TUFT1: variants seen among roughly 807,000 people sequenced by gnomAD.
TUFT1 encodes tuftelin 1.
A neutral mutation model predicts 57.8 loss-of-function variants in TUFT1; 43 were observed. That is an observed-to-expected ratio of 0.74 (90% CI 0.58 to 0.96). The LOEUF (loss-of-function observed/expected upper bound fraction) is 0.96, where lower values mean the gene tolerates loss of function less well. Ranked by LOEUF, TUFT1 falls within the 40% of genes least tolerant of loss-of-function variation. The pLI, the probability that TUFT1 is intolerant of heterozygous loss-of-function variation, is 0.00. For missense variants in TUFT1, 459 were observed against 489.0 expected (o/e 0.94, Z 0.58); for synonymous variants, 166 against 176.7 (o/e 0.94, Z 0.48).
intron 5 of TUFT1, among the ~76,000 whole-genome samples, chr1:151,565,385 G>A (rs1417586368): frequency 1.3e-5 from 2 of 152,288 alleles, no homozygotes; most frequent in Non-Finnish European, 2.9e-5. Context: ...TTCAGGCAGA[G>A]TCTTGCTCCA....
At chr1:151,548,454 C>A (rs2102520104) in intron 1 of TUFT1, among the ~76,000 whole-genome samples, 1 of 152,238 alleles carries the variant, frequency 6.6e-6, no homozygotes, top group Non-Finnish European at 1.5e-5. Context: ...AGGCGTGCGC[C>A]ACCACGCCCA....
In TUFT1 at chr1:151,564,576, A is replaced by G. The variant is rs974107349; in HGVS notation, c.376A>G (p.Arg126Gly). Residue 126 changes from arginine to glycine, a missense_variant, in exon 5 of 13, where the codon AGG (arginine) becomes GGG (glycine). Arg to Gly is a moderately radical substitution (Grantham distance 125). Coordinates refer to ENST00000368849, the MANE Select transcript of TUFT1 (RefSeq NM_020127.3). ...LREDISSKLD[R>G]NLGDSLHRQE... ...GGAGGATATAAGTAGCAAGCTTGAC[A>G]GGAACCTAGGAGATTCTCTCCATCG... is the stretch of plus-strand genomic sequence containing the variant. The G allele has an allele frequency of 1.2e-6, 2 of 1,614,212 alleles. No homozygotes were observed. Among genetic ancestry groups the G allele is most frequent in the East Asian group, 2.2e-5 (1 of 44,888 alleles).
At chr1:151,569,588 AG>A (rs1387070357) in intron 6 of TUFT1, 68 bp from the exon 7 acceptor site, 3 of 1,282,406 alleles carry the variant, frequency 2.3e-6, no homozygotes, top group South Asian at 1.2e-5. Flanking sequence ...TGTGCCTGGG[AG>A]GGGGGACCTT....
intron 6 of TUFT1, 32 bp from the exon 7 acceptor site, chr1:151,569,625 G>A (rs1240119332): frequency 6.3e-7 from 1 of 1,589,466 alleles, no homozygotes; most frequent in African/African-American, 1.3e-5. Context: ...AAACTTGAGG[G>A]CTTCCCCTTC....
At position 151,540,339 on chromosome 1, in the gene TUFT1, G is replaced by A. The variant is rs534637387; in HGVS notation, c.-28G>A. The A allele has an allele frequency of 6.2e-6, 10 of 1,613,894 alleles. No homozygotes were observed. The highest frequency in any genetic ancestry group is 2.2e-5 in the East Asian group (1 of 44,880). The stretch of plus-strand genomic sequence containing the variant: ...GAGCCAGACAGCGGGGTGGACAAGT[G>A]GCGTGTGTGCTGCGACCCCGAGGGA... On this transcript the variant is annotated 5_prime_UTR_variant, in exon 1 of 13. Coordinates refer to ENST00000368849, the MANE Select transcript of TUFT1 (RefSeq NM_020127.3).
intron 6 of TUFT1, among the ~76,000 whole-genome samples, chr1:151,568,642 A>G (rs570018433): frequency 2.0e-5 from 3 of 152,332 alleles, no homozygotes; most frequent in African/African-American, 7.2e-5. Context: ...AACTCATGAC[A>G]TCTAGATTTG....
chr1:151,549,578 C>T (rs955335822), intron 1 of TUFT1, among the ~76,000 whole-genome samples: 2 of 152,234 alleles, frequency 1.3e-5, no homozygotes, highest in Non-Finnish European at 2.9e-5. Context: ...CATTCTTGCA[C>T]ATCTATCTAC....
chr1:151,571,808 A>G (rs1231905225), intron 7 of TUFT1, among the ~76,000 whole-genome samples: 1 of 152,216 alleles, frequency 6.6e-6, no homozygotes, highest in Admixed American at 6.5e-5. Context: ...AGCCTGAGCA[A>G]AAGTGCCCTG....
chr1:151,580,650 A>C lies in TUFT1; in HGVS notation c.1009-292A>C, dbSNP rs1401529724. On this transcript the variant is annotated intron_variant, in intron 11 of 12. Transcript: ENST00000368849. ...GCACTCCAGCCTGGGCAACAGAGTG[A>C]GACCCTATCTCAAAAAAAAAAAAAA... Among the ~76,000 whole-genome samples, 3 of 134,024 alleles carry C rather than the reference A, an allele frequency of 2.2e-5. No individual in the cohort carries two copies. The East Asian group carries it at 6.8e-4, about 30-fold the overall frequency. 87.9% of individuals were successfully genotyped at this position (134,024 alleles called of 152,430 possible). A position where few individuals can be genotyped will look rare whatever the true frequency, so the allele number is the denominator to read the frequency against.
At chr1:151,575,299 G>T (rs1307472941) in intron 9 of TUFT1, among the ~76,000 whole-genome samples, 2 of 152,202 alleles carry the variant, frequency 1.3e-5, no homozygotes, top group African/African-American at 4.8e-5. Context: ...ATCTGCTGTT[G>T]CTGTGTGTCA....
intron 1 of TUFT1, 78 bp downstream of exon 1, chr1:151,540,504 G>A (rs1211384707): frequency 6.4e-7 from 1 of 1,552,510 alleles, no homozygotes; most frequent in Non-Finnish European, 8.9e-7. Context: ...GCCCCGCGCC[G>A]TGTTGGCTGA....
chr1:151,565,062 C>T (rs1466319579), intron 5 of TUFT1: 1 of 154,930 alleles, frequency 6.5e-6, no homozygotes, highest in African/African-American at 2.4e-5. Flanking sequence ...TGTTATTAAT[C>T]TTGTATATAG....
intron 12 of TUFT1, 82 bp from the exon 13 acceptor site, chr1:151,581,562 G>C: frequency 7.1e-7 from 1 of 1,409,842 alleles, no homozygotes; most frequent in Non-Finnish European, 1.0e-6. Flanking sequence ...AGGCCAATGT[G>C]AAGATTCCAG....
intron 6 of TUFT1, among the ~76,000 whole-genome samples, chr1:151,569,372 A>T (rs566225479): frequency 6.6e-5 from 10 of 152,266 alleles, no homozygotes; most frequent in African/African-American, 2.2e-4. Context: ...TTCACCAAGA[A>T]ATCGATTAGT....
rs906884638 is a variant in TUFT1, at chr1:151,540,814, C to G, written c.60+388C>G. On this transcript the variant is annotated intron_variant, in intron 1 of 12. Coordinates refer to ENST00000368849, the MANE Select transcript of TUFT1 (RefSeq NM_020127.3). ...TGGACGTTGTGTCCTGCCGAGGAGG[C>G]TTAGGCTTTCCCGTGGGTCGAGGGT... is the stretch of plus-strand genomic sequence containing the variant. 8 of 195,756 alleles carry G rather than the reference C, an allele frequency of 4.1e-5. 1 individual carries two copies. In the South Asian group the frequency reaches 7.8e-4, roughly 19 times the overall value. The allele number at this position is 195,756 out of a possible 1,614,324, so 12.1% of individuals were successfully genotyped here.
chr1:151,553,316 T>A (rs1665569221), intron 1 of TUFT1, among the ~76,000 whole-genome samples: 4 of 152,160 alleles, frequency 2.6e-5, no homozygotes, highest in Admixed American at 2.6e-4. Context: ...GGTCTCGAAC[T>A]CCTGACCTCG....
intron 10 of TUFT1, among the ~76,000 whole-genome samples, chr1:151,579,289 G>A (rs1666572985): frequency 6.6e-6 from 1 of 152,220 alleles, no homozygotes; most frequent in African/African-American, 2.4e-5. Context: ...AGCTCCATTA[G>A]TGTCTGTTTT....
rs117127039 is a variant in TUFT1, at chr1:151,574,464, G to A, written c.723+66G>A. 1.2e-3 allele frequency: 1,953 copies of A among 1,589,316 alleles called. 54 individuals are homozygous for A. The East Asian group carries it at 0.037, about 30-fold the overall frequency. ...GCTGGAAGGGGCCTGCAGGTGGATCGAAACGGTTGCCGAGACCCTTCTTTT... is the reference window on the plus strand; with the variant it reads ...GCTGGAAGGGGCCTGCAGGTGGATCAAAACGGTTGCCGAGACCCTTCTTTT... On this transcript the variant is annotated intron_variant, in intron 8 of 12. Transcript: ENST00000368849.
At chr1:151,544,620 G>A (rs1665275767) in intron 1 of TUFT1, among the ~76,000 whole-genome samples, 1 of 151,732 alleles carries the variant, frequency 6.6e-6, no homozygotes, top group African/African-American at 2.4e-5. Flanking sequence ...TTTATCAAAG[G>A]AGTTTCACTC....
Sources: allele counts gnomAD v4.1 joint callset (sites outside exome capture counted in the v4.1 genomes callset), GRCh38; gene constraint gnomAD v4.1.1; transcripts MANE v1.5; gene names NCBI Gene and HGNC (gene_info 2026-07-23, HGNC 2026-07-21).